CD8B2: variants seen among roughly 807,000 people sequenced by gnomAD.
The protein encoded by CD8B2 is T-cell surface glycoprotein CD8 beta-2 chain.
A neutral mutation model predicts 23.7 loss-of-function variants in CD8B2; 11 were observed. The ratio of observed to expected loss-of-function variants is 0.46; its 90% CI spans 0.29 to 0.77. The LOEUF (loss-of-function observed/expected upper bound fraction) is 0.77. Ranked by LOEUF, CD8B2 falls within the 30% of genes least tolerant of loss-of-function variation. The pLI is 0.09. For synonymous variants in CD8B2, 90 were observed against 109.3 expected (o/e 0.82, Z 1.10); for missense variants, 197 against 270.5 (o/e 0.73, Z 1.91).
At chr2:106,534,103 G>A (rs947525803) in intron 5 of CD8B2, among the ~76,000 whole-genome samples, 1 of 152,228 alleles carries the variant, frequency 6.6e-6, no homozygotes, top group African/African-American at 2.4e-5. Context: ...ACCACTGTGG[G>A]TGGAGCGAGG....
At chr2:106,491,837 C>T (rs1679203260) in intron 2 of CD8B2, among the ~76,000 whole-genome samples, 1 of 152,202 alleles carries the variant, frequency 6.6e-6, no homozygotes, top group Non-Finnish European at 1.5e-5. Context: ...GCGTGAGCCA[C>T]CGTGCCTGGC....
Position 106,509,627 on chromosome 2 carries a change from G to A in CD8B2, c.*2687G>A, listed in dbSNP as rs1679583598. On this transcript the variant is annotated 3_prime_UTR_variant, in exon 6 of 6. Transcript: ENST00000643224. ...GTTTTCTGTGCAGCAGGCACCTGCC[G>A]AGGCGGGCTCAGCTCCGGCCACCCA... 1 of 151,842 alleles carries A rather than the reference G, an allele frequency of 6.6e-6. No homozygotes were observed. Among genetic ancestry groups the A allele is most frequent in the African/African-American group, 2.4e-5 (1 of 41,272 alleles). 9.4% of individuals were successfully genotyped at this position (151,842 alleles called of 1,614,324 possible).
At chr2:106,536,323 C>T (rs887950554) in intron 5 of CD8B2, among the ~76,000 whole-genome samples, 3 of 152,122 alleles carry the variant, frequency 2.0e-5, no homozygotes, top group African/African-American at 2.4e-5. Flanking sequence ...TGAACCACTG[C>T]GCCTGGCCAC....
At position 106,508,614 on chromosome 2, in the gene CD8B2, C is replaced by T. The variant is rs1679559820; in HGVS notation, c.*1674C>T. 1.3e-5 allele frequency: 2 copies of T among 152,152 alleles called. No homozygotes were observed. Among genetic ancestry groups the T allele is most frequent in the South Asian group, 4.1e-4 (2 of 4,822 alleles). 9.4% of individuals were successfully genotyped at this position (152,152 alleles called of 1,614,324 possible). Reference sequence around the variant, plus strand: ...AAGCACTCCACATGGTAGGAGTGGACCCTAAGCAGATAGCCCATGGGCCCA... The same window carrying T: ...AAGCACTCCACATGGTAGGAGTGGATCCTAAGCAGATAGCCCATGGGCCCA... On this transcript the variant is annotated 3_prime_UTR_variant, in exon 6 of 6. Coordinates refer to ENST00000643224, the MANE Select transcript of CD8B2 (RefSeq NM_001349727.2).
Position 106,490,983 on chromosome 2 carries a change from C to T in CD8B2, c.153C>T (p.Cys51=). The change falls in exon 2 of 6, where the codon TGC becomes TGT. Residue 51 remains cysteine, a synonymous_variant. Transcript: ENST00000643224. ...CTAAAATCTCCCTCAGTAACATGTG[C>T]ATCTACTGGCTGAGACAGCGCCAGG... ...CEAKISLSNM[C]IYWLRQRQAP... is the part of the protein sequence containing the mutation. 2 of 1,614,012 alleles carry T rather than the reference C, an allele frequency of 1.2e-6. No individual in the cohort carries two copies. The highest frequency in any genetic ancestry group is 1.1e-5 in the South Asian group (1 of 91,076).
chr2:106,530,797 G>A (rs891978621), intron 5 of CD8B2, among the ~76,000 whole-genome samples: 17 of 152,170 alleles, frequency 1.1e-4, no homozygotes, highest in Non-Finnish European at 1.5e-5. Context: ...TGAAGAAACA[G>A]CTAAATCTCA....
intron 3 of CD8B2, among the ~76,000 whole-genome samples, chr2:106,496,778 G>A (rs1679308051): frequency 6.6e-6 from 1 of 151,816 alleles, no homozygotes; most frequent in African/African-American, 2.4e-5. Flanking sequence ...GAAATGGGGA[G>A]TGATTCCTAA....
downstream of CD8B2, among the ~76,000 whole-genome samples, chr2:106,513,124 C>T (rs1453117337): frequency 1.3e-5 from 2 of 151,802 alleles, no homozygotes; most frequent in Admixed American, 6.6e-5. Context: ...CACCCATCCG[C>T]CCACCCACCT....
At chr2:106,512,777 C>G (rs772167644), downstream of CD8B2, among the ~76,000 whole-genome samples, 25 of 152,260 alleles carry the variant, frequency 1.6e-4, no homozygotes, top group Non-Finnish European at 1.6e-4. Flanking sequence ...TCAAATATAT[C>G]TATTTAGGGA....
intron 5 of CD8B2, among the ~76,000 whole-genome samples, chr2:106,522,799 C>T (rs776913179): frequency 6.6e-5 from 10 of 152,056 alleles, no homozygotes; most frequent in African/African-American, 2.2e-4. Flanking sequence ...TTGCAAAGAC[C>T]GTAGCAGAGA....
intron 3 of CD8B2, among the ~76,000 whole-genome samples, chr2:106,498,413 G>A (rs2104554551): frequency 6.6e-6 from 1 of 152,266 alleles, no homozygotes. Context: ...CTCCCAAAGT[G>A]CTGGGATTAC....
chr2:106,519,597 C>T (rs1355230557), intron 5 of CD8B2, among the ~76,000 whole-genome samples: 3 of 152,150 alleles, frequency 2.0e-5, no homozygotes, highest in African/African-American at 7.2e-5. Context: ...GAAGACCATG[C>T]TCTGAACTTA....
chr2:106,501,596 C>T (rs1441021525), intron 3 of CD8B2, among the ~76,000 whole-genome samples: 8 of 152,228 alleles, frequency 5.3e-5, no homozygotes, highest in African/African-American at 1.2e-4. Flanking sequence ...GCAGGAGAAT[C>T]GCTTGAACCC....
Position 106,509,056 on chromosome 2 carries a change from A to G in CD8B2, c.*2116A>G, listed in dbSNP as rs1679571363. The G allele has an allele frequency of 6.6e-6, 1 of 151,932 alleles. No individual in the cohort carries two copies. The highest frequency in any genetic ancestry group is 1.5e-5 in the Non-Finnish European group (1 of 67,970). 9.4% of individuals were successfully genotyped at this position (151,932 alleles called of 1,614,324 possible). A position where few individuals can be genotyped will look rare whatever the true frequency, so the allele number is the denominator to read the frequency against. ...TTCATTCAGCACGAATTGGCCTTAG[A>G]TGCCCTGCCCCCAGACCCAGGTGTT... On this transcript the variant is annotated 3_prime_UTR_variant, in exon 6 of 6. Coordinates refer to ENST00000643224, the MANE Select transcript of CD8B2 (RefSeq NM_001349727.2).
chr2:106,495,101 T>A (rs1019019441), intron 2 of CD8B2, among the ~76,000 whole-genome samples: 3 of 152,006 alleles, frequency 2.0e-5, no homozygotes, highest in Admixed American at 6.6e-5. Flanking sequence ...CTACTGAAAC[T>A]TTTTTTGGAC....
intron 5 of CD8B2, among the ~76,000 whole-genome samples, chr2:106,518,373 C>A (rs1284569033): frequency 6.6e-6 from 1 of 152,250 alleles, no homozygotes; most frequent in South Asian, 2.1e-4. Flanking sequence ...GCTGAAAATA[C>A]TGAAAGAGAA....
chr2:106,519,740 C>T (rs114697051), intron 5 of CD8B2, among the ~76,000 whole-genome samples: 3,909 of 152,230 alleles, frequency 0.026, 58 homozygotes, highest in Non-Finnish European at 0.038. Flanking sequence ...CTGTCTTGGG[C>T]CACACATAAA....
chr2:106,497,437 C>T (rs1344381194), intron 3 of CD8B2, among the ~76,000 whole-genome samples: 1 of 152,160 alleles, frequency 6.6e-6, no homozygotes, highest in African/African-American at 2.4e-5. Flanking sequence ...GACACACATG[C>T]CCATGCACAC....
intron 3 of CD8B2, among the ~76,000 whole-genome samples, chr2:106,502,176 A>G (rs999895371): frequency 2.0e-5 from 3 of 151,642 alleles, no homozygotes; most frequent in African/African-American, 7.3e-5. Context: ...CATGCCTGTA[A>G]TCCCAGCTAC....
Sources: gnomAD v4.1 joint callset for allele counts (sites outside exome capture counted in the v4.1 genomes callset) on GRCh38, gnomAD v4.1.1 for gene constraint, MANE v1.5 for transcripts, NCBI Gene and HGNC (gene_info 2026-07-23, HGNC 2026-07-21) for gene names.